PTPRZ1: variants seen among roughly 807,000 people sequenced by gnomAD.
PTPRZ1 encodes the protein receptor-type tyrosine-protein phosphatase zeta.
Under a neutral mutation model 214.1 loss-of-function variants are expected in PTPRZ1, and 82 were observed. The observed-to-expected ratio is 0.38, with a 90% confidence interval of 0.32 to 0.46. The LOEUF (loss-of-function observed/expected upper bound fraction) is 0.46. Among genes scored for constraint, PTPRZ1 ranks in the 20% least tolerant of loss-of-function variants. The probability of loss-of-function intolerance (pLI) is 1.00; values close to 1 mark genes in which losing one functional copy is unlikely to be tolerated. For missense variants in PTPRZ1, 2,603 were observed against 2,748.7 expected (o/e 0.95, Z 1.19); for synonymous variants, 945 against 987.9 (o/e 0.96, Z 0.81).
chr7:121,958,446 T>C (rs1796776843), intron 2 of PTPRZ1, among the ~76,000 whole-genome samples: 1 of 152,218 alleles, frequency 6.6e-6, no homozygotes. Flanking sequence ...CTCCCCTTTA[T>C]GCTGCCTAAA....
chr7:121,953,519 T>C (rs1406346082), intron 2 of PTPRZ1, among the ~76,000 whole-genome samples: 1 of 152,240 alleles, frequency 6.6e-6, no homozygotes, highest in African/African-American at 2.4e-5. Flanking sequence ...TTATTTTTTA[T>C]GTCAGCCTTT....
chr7:121,955,623 A>G (rs1796682802), intron 2 of PTPRZ1, among the ~76,000 whole-genome samples: 1 of 152,234 alleles, frequency 6.6e-6, no homozygotes, highest in African/African-American at 2.4e-5. Context: ...CAAGAGCTAC[A>G]GAAAAGTCCT....
At position 122,019,306 on chromosome 7, in the gene PTPRZ1, A is replaced by G. The variant is rs755831798; in HGVS notation, c.4988+38A>G. 9 of 1,570,882 alleles carry G rather than the reference A, an allele frequency of 5.7e-6. No individual in the cohort carries two copies. In the African/African-American group the frequency reaches 1.2e-4, roughly 21 times the overall value. The stretch of plus-strand genomic sequence containing the variant: ...TTTGTTTTGGAAAATTTAATTCATA[A>G]AACTCAGATTTTGCCCATATTTCAT... On this transcript the variant is annotated intron_variant, in intron 13 of 29. Coordinates refer to ENST00000393386, the MANE Select transcript of PTPRZ1 (RefSeq NM_002851.3).
At position 121,944,681 on chromosome 7, in the gene PTPRZ1, C is replaced by A. The variant is rs1281384294; in HGVS notation, c.124+16460C>A. Reference sequence around the variant, plus strand: ...TAAAGACAGTCTTGTCTTGCTCTGTCTCCCAGGCTGGAGTGCAGTGGGGTG... The same window carrying A: ...TAAAGACAGTCTTGTCTTGCTCTGTATCCCAGGCTGGAGTGCAGTGGGGTG... On this transcript the variant is annotated intron_variant, in intron 2 of 29. Transcript: ENST00000393386. Among the ~76,000 whole-genome samples the A allele has an allele frequency of 1.3e-4, 20 of 151,686 alleles. 1 individual carries two copies. The highest frequency in any genetic ancestry group is 4.4e-5 in the Non-Finnish European group (3 of 67,966).
chr7:122,029,170 C>T (rs1487183353), intron 14 of PTPRZ1, among the ~76,000 whole-genome samples: 1 of 150,886 alleles, frequency 6.6e-6, no homozygotes, highest in Non-Finnish European at 1.5e-5. Flanking sequence ...AAGCCATGAA[C>T]ACAAACAATA....
intron 20 of PTPRZ1, among the ~76,000 whole-genome samples, chr7:122,040,454 T>G (rs1799689977): frequency 6.6e-6 from 1 of 152,208 alleles, no homozygotes; most frequent in South Asian, 2.1e-4. Context: ...CAGTCTTTGT[T>G]CTTACAGCCT....
At chr7:121,891,636 AT>A (rs1794626328) in intron 1 of PTPRZ1, among the ~76,000 whole-genome samples, 1 of 151,030 alleles carries the variant, frequency 6.6e-6, no homozygotes. Context: ...ATATAATCAC[AT>A]TTTTTGACCT....
intron 8 of PTPRZ1, among the ~76,000 whole-genome samples, chr7:121,995,498 C>T (rs193114403): frequency 1.8e-4 from 28 of 152,222 alleles, no homozygotes; most frequent in African/African-American, 5.1e-4. Context: ...ATTATAAGTG[C>T]ATTTTGGAAA....
At chr7:121,920,073 T>C (rs1451473775) in intron 1 of PTPRZ1, among the ~76,000 whole-genome samples, 1 of 152,162 alleles carries the variant, frequency 6.6e-6, no homozygotes, top group Non-Finnish European at 1.5e-5. Context: ...TTAAAAATAG[T>C]TCATATCTTT....
At chr7:121,960,747 T>A (rs977633002) in intron 2 of PTPRZ1, among the ~76,000 whole-genome samples, 2 of 152,208 alleles carry the variant, frequency 1.3e-5, no homozygotes, top group Non-Finnish European at 2.9e-5. Context: ...CCTGCATTGG[T>A]ATTTTTTTCT....
At chr7:122,052,313 C>T (rs1792211361) in intron 25 of PTPRZ1, among the ~76,000 whole-genome samples, 1 of 152,184 alleles carries the variant, frequency 6.6e-6, no homozygotes, top group Non-Finnish European at 1.5e-5. Context: ...ACTGACATCA[C>T]TACTTCAGGT....
At chr7:122,048,461 A>T (rs1792067935) in intron 23 of PTPRZ1, among the ~76,000 whole-genome samples, 1 of 152,170 alleles carries the variant, frequency 6.6e-6, no homozygotes, top group Non-Finnish European at 1.5e-5. Flanking sequence ...TGAATAATTT[A>T]TTGTATGTTC....
chr7:121,915,158 C>G (rs111353638), intron 1 of PTPRZ1, among the ~76,000 whole-genome samples: 10,192 of 152,178 alleles, frequency 0.067, 420 homozygotes, highest in Non-Finnish European at 0.099. Flanking sequence ...ATGGTATTAT[C>G]ATGATTCCTT....
chr7:121,991,043 G>C (rs1031736371), intron 8 of PTPRZ1, among the ~76,000 whole-genome samples: 12 of 152,158 alleles, frequency 7.9e-5, no homozygotes, highest in African/African-American at 2.9e-4. Flanking sequence ...AAGTTCAGTA[G>C]ACTTGATTTT....
intron 3 of PTPRZ1, among the ~76,000 whole-genome samples, chr7:121,968,590 CATCCTT>C (rs1563042373): frequency 6.7e-6 from 1 of 150,180 alleles, no homozygotes; most frequent in East Asian, 1.9e-4. Context: ...AGTTGTATCC[CATCCTT>C]AGGAAACCCT....
At chr7:121,923,615 A>C (rs1206500) in intron 1 of PTPRZ1, among the ~76,000 whole-genome samples, 5 of 151,676 alleles carry the variant, frequency 3.3e-5, no homozygotes, top group Middle Eastern at 3.2e-3. Flanking sequence ...TTAGGGTAAG[A>C]CCACAATCAG....
intron 1 of PTPRZ1, among the ~76,000 whole-genome samples, chr7:121,877,367 G>A (rs1383330383): frequency 6.6e-6 from 1 of 152,154 alleles, no homozygotes; most frequent in African/African-American, 2.4e-5. Context: ...TTCATGTGAT[G>A]TGATGGTACA....
intron 2 of PTPRZ1, among the ~76,000 whole-genome samples, chr7:121,931,302 G>C (rs1461648566): frequency 1.3e-5 from 2 of 152,150 alleles, no homozygotes; most frequent in Non-Finnish European, 2.9e-5. Context: ...GCCTGGTTTA[G>C]TTTTGTCAAC....
chr7:121,929,246 T>G (rs1459811644), intron 2 of PTPRZ1, among the ~76,000 whole-genome samples: 1 of 152,108 alleles, frequency 6.6e-6, no homozygotes, highest in African/African-American at 2.4e-5. Flanking sequence ...TATCCAAAAT[T>G]TATATATTTT....
Sources: gnomAD v4.1 joint callset for allele counts (sites outside exome capture counted in the v4.1 genomes callset) on GRCh38, gnomAD v4.1.1 for gene constraint, MANE v1.5 for transcripts, NCBI Gene and HGNC (gene_info 2026-07-23, HGNC 2026-07-21) for gene names.